The following ZNF600 variants were observed in gnomAD, a reference collection of about 807,000 sequenced individuals.
ZNF600 encodes the protein zinc finger protein 600.
In ZNF600, 4 loss-of-function variants were observed where a neutral mutation model predicts 7.3. That is an observed-to-expected ratio of 0.55 (90% CI 0.27 to 1.25). The LOEUF (loss-of-function observed/expected upper bound fraction) is 1.25. Ranked by LOEUF, ZNF600 falls within the 50% of genes most tolerant of loss-of-function variation. ZNF600 has a pLI of 0.12. For missense variants in ZNF600, 911 were observed against 922.1 expected (o/e 0.99, Z 0.16); for synonymous variants, 290 against 308.9 (o/e 0.94, Z 0.64).
At chr19:52,808,399 T>G in the ZNF600 span, among the ~76,000 whole-genome samples, 1 of 152,170 alleles carries the variant, frequency 6.6e-6, no homozygotes, top group East Asian at 1.9e-4. Context: ...TGTTTGAAAC[T>G]TTTATAGACA....
intron 2 of ZNF600, among the ~76,000 whole-genome samples, chr19:52,775,464 C>CT (rs2062667018): frequency 6.6e-6 from 1 of 151,738 alleles, no homozygotes; most frequent in East Asian, 1.9e-4. Context: ...GCAGGAGGAT[C>CT]GCATGAATCC....
chr19:52,822,702 T>C, the ZNF600 span, among the ~76,000 whole-genome samples: 3 of 152,202 alleles, frequency 2.0e-5, no homozygotes, highest in Non-Finnish European at 4.4e-5. Context: ...TGGAGGTGAC[T>C]ATCTGTGTCA....
At chr19:52,810,419 T>G in the ZNF600 span, 1 of 1,603,788 alleles carries the variant, frequency 6.2e-7, no homozygotes, top group Middle Eastern at 1.8e-4. Context: ...ACAAATTTAG[T>G]GGCCATCCCA....
chr19:52,773,729 C>T (rs561327504), intron 3 of ZNF600, among the ~76,000 whole-genome samples: 10 of 152,012 alleles, frequency 6.6e-5, no homozygotes, highest in Admixed American at 3.9e-4. Context: ...AATATTAGCC[C>T]GGCATGGTGG....
At chr19:52,824,329 C>G in the ZNF600 span, among the ~76,000 whole-genome samples, 1 of 152,012 alleles carries the variant, frequency 6.6e-6, no homozygotes, top group African/African-American at 2.4e-5. Context: ...CAACTTATTA[C>G]TTTGTTGATT....
chr19:52,769,303 G>C (rs1178257503), intron 3 of ZNF600, among the ~76,000 whole-genome samples: 1 of 152,134 alleles, frequency 6.6e-6, no homozygotes, highest in African/African-American at 2.4e-5. Context: ...CAGTGGTCAC[G>C]CTCCTAGTCC....
chr19:52,801,282 A>C, the ZNF600 span: 1 of 1,614,114 alleles, frequency 6.2e-7, no homozygotes, highest in South Asian at 1.1e-5. Flanking sequence ...CTTATTAGAA[A>C]TATGGGTTTT....
the ZNF600 span, among the ~76,000 whole-genome samples, chr19:52,794,763 G>A: frequency 6.6e-6 from 1 of 152,104 alleles, no homozygotes; most frequent in Non-Finnish European, 1.5e-5. Flanking sequence ...GCGGACTGGG[G>A]TGGATCACTG....
At chr19:52,810,824 A>T in the ZNF600 span, 30 of 285,344 alleles carry the variant, frequency 1.1e-4, no homozygotes, top group African/African-American at 3.1e-4. Context: ...ATATATATAT[A>T]TTTTTAAAAA....
the ZNF600 span, among the ~76,000 whole-genome samples, chr19:52,827,735 CAG>C: frequency 5.3e-5 from 8 of 151,792 alleles, no homozygotes; most frequent in Non-Finnish European, 1.2e-4. Flanking sequence ...TTAGTAGAGA[CAG>C]GGTTTCACCA....
At chr19:52,792,678 C>G in the ZNF600 span, among the ~76,000 whole-genome samples, 2 of 152,144 alleles carry the variant, frequency 1.3e-5, no homozygotes, top group East Asian at 3.8e-4. Context: ...CTTTCCAGAA[C>G]AAACCAATGT....
At chr19:52,770,276 C>T (rs2062620632) in intron 3 of ZNF600, among the ~76,000 whole-genome samples, 1 of 152,020 alleles carries the variant, frequency 6.6e-6, no homozygotes, top group Admixed American at 6.6e-5. Flanking sequence ...CCCATCTCTA[C>T]TAAGAATACA....
chr19:52,811,024 C>T, the ZNF600 span, among the ~76,000 whole-genome samples: 2 of 143,956 alleles, frequency 1.4e-5, no homozygotes, highest in South Asian at 2.4e-4. Context: ...CGAGTGCCTG[C>T]GATTGCAGGC....
chr19:52,814,393 C>A, the ZNF600 span: 2 of 146,054 alleles, frequency 1.4e-5, no homozygotes, highest in East Asian at 4.0e-4. Context: ...GAGTTCAAGA[C>A]CAGCATGGCC....
chr19:52,798,894 G>C, the ZNF600 span: 2 of 1,427,020 alleles, frequency 1.4e-6, no homozygotes, highest in South Asian at 2.4e-5. Context: ...TGAATAAGTG[G>C]TGACTGCCCA....
chr19:52,827,184 T>C, the ZNF600 span, among the ~76,000 whole-genome samples: 1 of 147,050 alleles, frequency 6.8e-6, no homozygotes, highest in Non-Finnish European at 1.5e-5. Context: ...TCGAGGCTGC[T>C]ATAAACTAGA....
intron 1 of ZNF600, among the ~76,000 whole-genome samples, chr19:52,783,027 C>T (rs905526075): frequency 4.2e-5 from 6 of 141,494 alleles, no homozygotes; most frequent in African/African-American, 1.5e-4. Context: ...TCAGTCACTT[C>T]TTACTCTACT....
chr19:52,817,631 A>G, the ZNF600 span, among the ~76,000 whole-genome samples: 11 of 152,174 alleles, frequency 7.2e-5, no homozygotes, highest in East Asian at 1.6e-3. Flanking sequence ...CTGACAGTGC[A>G]TCCAGATGTG....
At chr19:52,800,993 T>G in the ZNF600 span, 14 of 1,614,184 alleles carry the variant, frequency 8.7e-6, no homozygotes, top group Non-Finnish European at 1.2e-5. Context: ...GGAAGAGGGA[T>G]GTATTGTGAC....
Sources: gnomAD v4.1 joint callset for allele counts (sites outside exome capture counted in the v4.1 genomes callset) on GRCh38, gnomAD v4.1.1 for gene constraint, MANE v1.5 for transcripts, NCBI Gene and HGNC (gene_info 2026-07-23, HGNC 2026-07-21) for gene names.